Variants in CRB1 observed in about 807,000 individuals in gnomAD.
CRB1 encodes crumbs cell polarity complex component 1, also known as protein crumbs homolog 1.
CRB1 carries 83 observed loss-of-function variants against 120.0 expected under a neutral mutation model. The ratio of observed to expected loss-of-function variants is 0.69; its 90% confidence interval spans 0.58 to 0.83. CRB1 has a LOEUF of 0.83. Ranked by LOEUF, CRB1 falls within the 40% of genes least tolerant of loss-of-function variation. CRB1 has a pLI of 0.00. For missense variants in CRB1, 1,699 were observed against 1,687.6 expected (o/e 1.01, Z -0.12); for synonymous variants, 625 against 612.5 (o/e 1.02, Z -0.30).
intron 1 of CRB1, among the ~76,000 whole-genome samples, chr1:197,302,456 C>A (rs1304090600): frequency 6.6e-6 from 1 of 151,992 alleles, no homozygotes; most frequent in Non-Finnish European, 1.5e-5. Flanking sequence ...GGAACTGAAC[C>A]TACAATATCT....
the CRB1 span, among the ~76,000 whole-genome samples, chr1:197,213,833 C>G: frequency 1.1e-4 from 17 of 151,958 alleles, no homozygotes; most frequent in South Asian, 3.5e-3. Flanking sequence ...CATATTGATA[C>G]AAAATAAAAT....
At chr1:197,327,446 A>G (rs970939739) in intron 1 of CRB1, among the ~76,000 whole-genome samples, 2 of 152,216 alleles carry the variant, frequency 1.3e-5, no homozygotes, top group Non-Finnish European at 2.9e-5. Flanking sequence ...TGCTCTAAAT[A>G]AACATACTCG....
chr1:197,339,456 ATAT>A (rs1393545981), intron 2 of CRB1, among the ~76,000 whole-genome samples: 1 of 152,212 alleles, frequency 6.6e-6, no homozygotes, highest in Non-Finnish European at 1.5e-5. Context: ...CAAAAGAAAA[ATAT>A]TATGCATAGA....
chr1:197,256,664 T>C, the CRB1 span, among the ~76,000 whole-genome samples: 7 of 152,086 alleles, frequency 4.6e-5, no homozygotes, highest in South Asian at 1.4e-3. Flanking sequence ...TTTTTTACTT[T>C]CTCTGAACAG....
chr1:197,293,672 C>T (rs1440299531), intron 1 of CRB1, among the ~76,000 whole-genome samples: 1 of 151,922 alleles, frequency 6.6e-6, no homozygotes, highest in East Asian at 1.9e-4. Context: ...ATACTACAAG[C>T]CTACAGTAAC....
At chr1:197,346,419 T>C (rs1168557953) in intron 3 of CRB1, among the ~76,000 whole-genome samples, 1 of 152,202 alleles carries the variant, frequency 6.6e-6, no homozygotes, top group African/African-American at 2.4e-5. Flanking sequence ...GTTTTACCTA[T>C]ACTAGATTTT....
chr1:197,216,471 G>C, the CRB1 span, among the ~76,000 whole-genome samples: 1 of 152,158 alleles, frequency 6.6e-6, no homozygotes, highest in South Asian at 2.1e-4. Context: ...TAAGAAGCCA[G>C]AAGTATACTA....
chr1:197,282,677 A>G (rs1655591333), intron 1 of CRB1, among the ~76,000 whole-genome samples: 1 of 151,900 alleles, frequency 6.6e-6, no homozygotes, highest in South Asian at 2.1e-4. Context: ...ATACACACAT[A>G]TACAATTAGA....
chr1:197,300,007 G>A (rs1182082912), intron 1 of CRB1, among the ~76,000 whole-genome samples: 1 of 151,712 alleles, frequency 6.6e-6, no homozygotes, highest in African/African-American at 2.4e-5. Context: ...TATTGTAATT[G>A]TTTTTGGGCA....
At chr1:197,404,441 CAAAAAAAAAAAAA>C (rs558125777) in intron 5 of CRB1, among the ~76,000 whole-genome samples, 6 of 58,718 alleles carry the variant, frequency 1.0e-4, no homozygotes, top group African/African-American at 3.5e-4. Flanking sequence ...GACTCCGTCT[CAAAAAAAAAAAAA>C]AAAAAAAAAA....
the CRB1 span, among the ~76,000 whole-genome samples, chr1:197,238,477 G>A: frequency 2.6e-5 from 4 of 151,636 alleles, no homozygotes; most frequent in Admixed American, 6.6e-5. Flanking sequence ...TTGAAAGTAC[G>A]ATCTTTTTTT....
At chr1:197,365,901 G>C (rs1317143907) in intron 5 of CRB1, among the ~76,000 whole-genome samples, 1 of 152,014 alleles carries the variant, frequency 6.6e-6, no homozygotes, top group Admixed American at 6.6e-5. Flanking sequence ...ACCTTTCAGA[G>C]TTCTGTTTGG....
At chr1:197,333,246 C>T (rs2125311749) in intron 2 of CRB1, among the ~76,000 whole-genome samples, 1 of 152,298 alleles carries the variant, frequency 6.6e-6, no homozygotes, top group South Asian at 2.1e-4. Flanking sequence ...GCTTCATGGG[C>T]AGTGATTCAT....
chr1:197,328,600 C>T lies in CRB1; in HGVS notation c.249C>T (p.Ala83=), dbSNP rs771491213. 6.2e-7 allele frequency: 1 copy of T among 1,614,208 alleles called. No individual in the cohort carries two copies. The highest frequency in any genetic ancestry group is 1.7e-5 in the Admixed American group (1 of 60,026). Residue 83 remains alanine (A), a synonymous_variant, in exon 2 of 12, where the codon GCC becomes GCT. Coordinates refer to ENST00000367400, the MANE Select transcript of CRB1 (RefSeq NM_201253.3). ...TCTCCAATCCCTGTCAAGGAAGTGC[C>T]ACTTGTGTGAACACCCCAGGAGAAA... is the stretch of plus-strand genomic sequence containing the variant. ...PCFSNPCQGS[A]TCVNTPGERS...
intron 4 of CRB1, among the ~76,000 whole-genome samples, chr1:197,353,331 A>G (rs1419524883): frequency 1.3e-5 from 2 of 152,192 alleles, no homozygotes. Context: ...CAGTTATGTT[A>G]AGGATGTTGA....
chr1:197,316,910 C>CAAAAAAAAAAAA (rs201313713), intron 1 of CRB1, among the ~76,000 whole-genome samples: 3 of 136,094 alleles, frequency 2.2e-5, no homozygotes, highest in African/African-American at 2.7e-5. Context: ...ACAATGGCTA[C>CAAAAAAAAAAAA]AAAAAAAAAA....
At chr1:197,252,350 C>T in the CRB1 span, among the ~76,000 whole-genome samples, 3 of 150,326 alleles carry the variant, frequency 2.0e-5, no homozygotes, top group East Asian at 2.0e-4. Context: ...ATTTAGAGTT[C>T]GTCTTGCAAA....
At chr1:197,303,069 A>C (rs1359561841) in intron 1 of CRB1, among the ~76,000 whole-genome samples, 1 of 152,076 alleles carries the variant, frequency 6.6e-6, no homozygotes, top group Non-Finnish European at 1.5e-5. Context: ...TTATTTGCTA[A>C]AATAAGACCC....
intron 1 of CRB1, among the ~76,000 whole-genome samples, chr1:197,319,979 T>G (rs1486929394): frequency 1.3e-5 from 2 of 152,236 alleles, no homozygotes; most frequent in Admixed American, 1.3e-4. Context: ...ATTAGTTGGC[T>G]TATTTGATGA....
Sources: gnomAD v4.1 joint callset for allele counts (sites outside exome capture counted in the v4.1 genomes callset) on GRCh38, gnomAD v4.1.1 for gene constraint, MANE v1.5 for transcripts, NCBI Gene and HGNC (gene_info 2026-07-23, HGNC 2026-07-21) for gene names.